The following PCMTD1 variants were observed in gnomAD, a reference collection of about 807,000 sequenced individuals.
PCMTD1 encodes protein-L-isoaspartate O-methyltransferase domain-containing protein 1.
In PCMTD1, 12 loss-of-function variants were observed where a neutral mutation model predicts 37.6. That is an observed-to-expected ratio of 0.32 (90% CI 0.20 to 0.52). The LOEUF is 0.52. Among genes scored for constraint, PCMTD1 ranks in the 20% least tolerant of loss-of-function variants. The probability of loss-of-function intolerance (pLI) is 0.97; values close to 1 mark genes in which losing one functional copy is unlikely to be tolerated. For synonymous variants in PCMTD1, 117 were observed against 135.8 expected, an observed-to-expected ratio of 0.86 and a Z score of 0.96; for missense variants, 235 against 421.3, an observed-to-expected ratio of 0.56 and a Z score of 3.87.
At chr8:51,827,247 G>T in intron 5 of PCMTD1, 1 of 1,148,260 alleles carries the variant, frequency 8.7e-7, no homozygotes, top group Non-Finnish European at 1.1e-6. Flanking sequence ...ATTTTTATAA[G>T]TTACTGTTGG....
rs1279941188 is a variant in PCMTD1, at chr8:51,817,960, ACTGTT to A, written c.*2386_*2390del. 6.6e-6 allele frequency: 3 copies of A among 456,730 alleles called. No homozygotes were observed. The highest frequency in any genetic ancestry group is 4.4e-6 in the Non-Finnish European group (1 of 226,960). The allele number at this position is 456,730 out of a possible 1,614,324, so 28.3% of individuals were successfully genotyped here. On this transcript the variant is annotated 3_prime_UTR_variant, in exon 6 of 6. Coordinates refer to ENST00000522514, the MANE Select transcript of PCMTD1 (RefSeq NM_052937.4). Reference sequence around the variant, plus strand: ...TAAACACCCAAATTAGATGATACTTACTGTTTTAACTAGCTATAAAATTCCAATAC... The same window carrying A: ...TAAACACCCAAATTAGATGATACTTATTAACTAGCTATAAAATTCCAATAC...
intron 1 of PCMTD1, among the ~76,000 whole-genome samples, chr8:51,879,865 A>T (rs1032334033): frequency 6.6e-6 from 1 of 152,190 alleles, no homozygotes; most frequent in African/African-American, 2.4e-5. Context: ...ATTATTTACA[A>T]AGAAACATTT....
chr8:51,857,097 A>G (rs534164226), intron 2 of PCMTD1, among the ~76,000 whole-genome samples: 1 of 152,378 alleles, frequency 6.6e-6, no homozygotes, highest in East Asian at 1.9e-4. Flanking sequence ...GGACCATTTA[A>G]CGTCCCATGA....
intron 2 of PCMTD1, among the ~76,000 whole-genome samples, chr8:51,847,978 G>C (rs190613339): frequency 6.6e-6 from 1 of 152,250 alleles, no homozygotes; most frequent in East Asian, 1.9e-4. Flanking sequence ...CTACTCGAGA[G>C]GCTGAGGCAG....
chr8:51,873,724 T>A (rs1204072016), intron 1 of PCMTD1, among the ~76,000 whole-genome samples: 1 of 152,078 alleles, frequency 6.6e-6, no homozygotes, highest in African/African-American at 2.4e-5. Flanking sequence ...CTCTGGCTCC[T>A]GCTTTGGCCA....
intron 1 of PCMTD1, among the ~76,000 whole-genome samples, chr8:51,879,702 T>C (rs935059205): frequency 6.6e-6 from 1 of 152,090 alleles, no homozygotes; most frequent in African/African-American, 2.4e-5. Context: ...AGAGAAGACA[T>C]TCTAAATTAA....
At chr8:51,846,016 C>T (rs1030671115) in intron 2 of PCMTD1, among the ~76,000 whole-genome samples, 3 of 152,130 alleles carry the variant, frequency 2.0e-5, no homozygotes, top group African/African-American at 7.2e-5. Flanking sequence ...TTGAAACCTA[C>T]AGAGTTCTCC....
intron 1 of PCMTD1, among the ~76,000 whole-genome samples, chr8:51,889,036 GTGAC>G (rs2038902386): frequency 6.6e-6 from 1 of 152,158 alleles, no homozygotes; most frequent in Non-Finnish European, 1.5e-5. Flanking sequence ...TGGGTCTAGT[GTGAC>G]TCCAAAGTCT....
intron 5 of PCMTD1, among the ~76,000 whole-genome samples, chr8:51,822,115 C>T (rs1176581842): frequency 2.0e-5 from 3 of 152,092 alleles, no homozygotes; most frequent in African/African-American, 7.2e-5. Flanking sequence ...ATATAACAGC[C>T]ATGTAAACAT....
At chr8:51,889,249 T>C (rs1427028928) in intron 1 of PCMTD1, among the ~76,000 whole-genome samples, 1 of 152,228 alleles carries the variant, frequency 6.6e-6, no homozygotes, top group Non-Finnish European at 1.5e-5. Flanking sequence ...TCATAATCTC[T>C]GAAAAGTAGT....
intron 1 of PCMTD1, among the ~76,000 whole-genome samples, chr8:51,893,719 C>G (rs1214485331): frequency 6.6e-6 from 1 of 152,008 alleles, no homozygotes; most frequent in Non-Finnish European, 1.5e-5. Flanking sequence ...ATATAATTAC[C>G]TTATAATCTG....
chr8:51,849,536 CAA>C (rs1336671375), intron 2 of PCMTD1: 2 of 151,998 alleles, frequency 1.3e-5, no homozygotes, highest in Non-Finnish European at 2.9e-5. Context: ...ACAGCAAAGT[CAA>C]AGTTTATTAA....
intron 4 of PCMTD1, 81 bp downstream of exon 4, chr8:51,833,437 C>T: frequency 2.6e-6 from 3 of 1,156,668 alleles, no homozygotes; most frequent in Non-Finnish European, 3.7e-6. Flanking sequence ...TACAATATAC[C>T]TTTCACTGAA....
chr8:51,877,062 T>A (rs2038722894), intron 1 of PCMTD1, among the ~76,000 whole-genome samples: 1 of 152,204 alleles, frequency 6.6e-6, no homozygotes, highest in South Asian at 2.1e-4. Flanking sequence ...TTCACCAACA[T>A]TGGGCCTGTA....
At chr8:51,883,062 A>G (rs548281226) in intron 1 of PCMTD1, among the ~76,000 whole-genome samples, 2 of 152,078 alleles carry the variant, frequency 1.3e-5, no homozygotes, top group South Asian at 4.2e-4. Context: ...GCGTGAACCC[A>G]GGAGGCAGAG....
intron 5 of PCMTD1, among the ~76,000 whole-genome samples, chr8:51,830,210 T>A (rs2037979659): frequency 6.6e-6 from 1 of 152,154 alleles, no homozygotes; most frequent in Non-Finnish European, 1.5e-5. Flanking sequence ...AACTCCAATA[T>A]CTCCTCTTTA....
Position 51,819,125 on chromosome 8 carries a change from G to A in PCMTD1, c.*1226C>T, listed in dbSNP as rs1037257819. The A allele has an allele frequency of 2.6e-5, 4 of 152,072 alleles. No homozygotes were observed. The highest frequency in any genetic ancestry group is 7.2e-5 in the African/African-American group (3 of 41,398). The allele number at this position is 152,072 out of a possible 1,614,324, so 9.4% of individuals were successfully genotyped here. On this transcript the variant is annotated 3_prime_UTR_variant, in exon 6 of 6. Coordinates refer to ENST00000522514, the MANE Select transcript of PCMTD1 (RefSeq NM_052937.4). Reference sequence around the variant, plus strand: ...CTAAAATAAAGCTCAAATATGGACAGTTTAACTGTGTGATATTAAGTAAAA... The same window carrying A: ...CTAAAATAAAGCTCAAATATGGACAATTTAACTGTGTGATATTAAGTAAAA...
At chr8:51,828,858 C>A (rs1175687295) in intron 5 of PCMTD1, among the ~76,000 whole-genome samples, 1 of 152,134 alleles carries the variant, frequency 6.6e-6, no homozygotes, top group Non-Finnish European at 1.5e-5. Context: ...CCAGTGATAC[C>A]AGTTTTTGAC....
chr8:51,860,638 T>C, intron 2 of PCMTD1: 1 of 486,186 alleles, frequency 2.1e-6, no homozygotes, highest in South Asian at 3.4e-5. Context: ...AACAGTTAGT[T>C]TCCAGAGCTA....
Sources: allele counts gnomAD v4.1 joint callset (sites outside exome capture counted in the v4.1 genomes callset), GRCh38; gene constraint gnomAD v4.1.1; transcripts MANE v1.5; gene names NCBI Gene and HGNC (gene_info 2026-07-23, HGNC 2026-07-21).